Variants in GPC5 observed in about 807,000 individuals in gnomAD.
The protein encoded by GPC5 is glypican 5, also known as glypican-5.
A neutral mutation model predicts 53.9 loss-of-function variants in GPC5; 47 were observed. That is an observed-to-expected ratio of 0.87 (90% CI 0.69 to 1.11). The LOEUF is 1.11. Ranked by LOEUF, GPC5 falls within the 50% of genes most tolerant of loss-of-function variation. GPC5 has a pLI of 0.00. For missense variants in GPC5, 748 were observed against 713.1 expected (o/e 1.05, Z -0.56); for synonymous variants, 286 against 263.3 (o/e 1.09, Z -0.84).
chr13:91,586,050 A>T (rs571944901), intron 2 of GPC5, among the ~76,000 whole-genome samples: 1 of 130,694 alleles, frequency 7.7e-6, no homozygotes, highest in African/African-American at 2.8e-5. Context: ...TTATAAAAAA[A>T]TTTAAAAAAA....
chr13:91,572,914 A>G (rs1040637948), intron 2 of GPC5, among the ~76,000 whole-genome samples: 4 of 152,112 alleles, frequency 2.6e-5, no homozygotes, highest in African/African-American at 7.2e-5. Flanking sequence ...TTCACTCCCA[A>G]TTATTTGTTT....
intron 6 of GPC5, among the ~76,000 whole-genome samples, chr13:92,056,637 A>AT (rs2041076740): frequency 1.3e-5 from 2 of 152,166 alleles, no homozygotes; most frequent in African/African-American, 2.4e-5. Context: ...ACACTAACAT[A>AT]TTTTTTAAAT....
At chr13:92,628,089 C>G (rs939295703) in intron 7 of GPC5, among the ~76,000 whole-genome samples, 6 of 151,950 alleles carry the variant, frequency 3.9e-5, no homozygotes, top group Non-Finnish European at 8.8e-5. Flanking sequence ...ACACCCAACA[C>G]TAAAAGTAAG....
chr13:92,675,410 C>T (rs1376281642), intron 7 of GPC5, among the ~76,000 whole-genome samples: 2 of 152,036 alleles, frequency 1.3e-5, no homozygotes, highest in Non-Finnish European at 2.9e-5. Context: ...AATCTGTTAA[C>T]TGAAATGATT....
chr13:91,716,912 G>T (rs1200345102), intron 3 of GPC5, among the ~76,000 whole-genome samples: 1 of 152,170 alleles, frequency 6.6e-6, no homozygotes, highest in Non-Finnish European at 1.5e-5. Context: ...TGCGTAAATG[G>T]CTATTAGCTT....
Position 92,810,473 on chromosome 13 carries a change from C to T in GPC5, c.1562-55809C>T, listed in dbSNP as rs564813436. ...ATAAAATTAACCATATGTATCATTT[C>T]GAGTGTACAATTTAATGGCATTCAT... is the stretch of plus-strand genomic sequence containing the variant. On this transcript the variant is annotated intron_variant, in intron 7 of 7. Transcript: ENST00000377067. 4.6e-5 allele frequency among the ~76,000 whole-genome samples: 7 copies of T among 151,952 alleles called. 1 individual carries two copies. The highest frequency in any genetic ancestry group is 1.7e-4 in the African/African-American group (7 of 41,326).
intron 7 of GPC5, among the ~76,000 whole-genome samples, chr13:92,304,044 G>T (rs2043093498): frequency 6.6e-6 from 1 of 152,066 alleles, no homozygotes; most frequent in African/African-American, 2.4e-5. Context: ...TACTGTTGAG[G>T]TATAGTGGAT....
chr13:92,442,218 A>G (rs1441768193), intron 7 of GPC5, among the ~76,000 whole-genome samples: 2 of 152,222 alleles, frequency 1.3e-5, no homozygotes, highest in Non-Finnish European at 2.9e-5. Flanking sequence ...TGAAAAATCA[A>G]GGATGATTCT....
rs1301982389 is a variant in GPC5 at position 92,385,555 on chromosome 13, T to TGCATATATACATATAC, written c.1561+240576_1561+240591dup. ...ATACATATATGCATATATACATATA[T>TGCATATATACATATAC]GCATATATACATATACGCATATATA... On this transcript the variant is annotated intron_variant, in intron 7 of 7. Transcript: ENST00000377067. Among the ~76,000 whole-genome samples, 125 of 46,124 alleles carry TGCATATATACATATAC rather than the reference T, an allele frequency of 2.7e-3. 2 individuals are homozygous for TGCATATATACATATAC. The highest frequency in any genetic ancestry group is 0.011 in the African/African-American group (100 of 8,732). 30.3% of individuals were successfully genotyped at this position (46,124 alleles called of 152,430 possible).
intron 2 of GPC5, among the ~76,000 whole-genome samples, chr13:91,689,141 C>A (rs1297941322): frequency 7.4e-6 from 1 of 134,284 alleles, no homozygotes; most frequent in Non-Finnish European, 1.6e-5. Flanking sequence ...CACACTGCAG[C>A]CTAGGTGATG....
intron 1 of GPC5, among the ~76,000 whole-genome samples, chr13:91,445,425 T>A (rs1880724336): frequency 1.3e-5 from 2 of 152,106 alleles, no homozygotes; most frequent in African/African-American, 4.8e-5. Flanking sequence ...GGCATGAGAT[T>A]TCATTGTGCT....
At chr13:92,573,381 T>G (rs1883093541) in intron 7 of GPC5, among the ~76,000 whole-genome samples, 1 of 152,182 alleles carries the variant, frequency 6.6e-6, no homozygotes, top group African/African-American at 2.4e-5. Flanking sequence ...AGAATTAAAT[T>G]TAAAAAGTAG....
At chr13:92,434,699 A>T (rs1877231621) in intron 7 of GPC5, among the ~76,000 whole-genome samples, 2 of 152,258 alleles carry the variant, frequency 1.3e-5, no homozygotes, top group African/African-American at 4.8e-5. Flanking sequence ...AGTTAAGAGA[A>T]ATATCTGTGT....
chr13:91,878,980 T>C (rs1006458974), intron 5 of GPC5, among the ~76,000 whole-genome samples: 1 of 152,164 alleles, frequency 6.6e-6, no homozygotes, highest in African/African-American at 2.4e-5. Context: ...TATAATCATA[T>C]TGTCTCCTAC....
At chr13:91,954,896 G>A (rs1566361591) in intron 6 of GPC5, among the ~76,000 whole-genome samples, 1 of 151,990 alleles carries the variant, frequency 6.6e-6, no homozygotes, top group Non-Finnish European at 1.5e-5. Flanking sequence ...ATTTTAGCAA[G>A]ACTATTGGAT....
chr13:92,773,418 C>G (rs917085259), intron 7 of GPC5, among the ~76,000 whole-genome samples: 1 of 152,098 alleles, frequency 6.6e-6, no homozygotes, highest in Admixed American at 6.6e-5. Flanking sequence ...ATTTCCTAAA[C>G]TGGAGTTCAC....
At chr13:92,538,451 CT>C (rs1423056508) in intron 7 of GPC5, among the ~76,000 whole-genome samples, 1 of 148,250 alleles carries the variant, frequency 6.7e-6, no homozygotes, top group Non-Finnish European at 1.5e-5. Context: ...TTTTTTCTTT[CT>C]TTCTTTCTTT....
intron 7 of GPC5, among the ~76,000 whole-genome samples, chr13:92,585,545 A>G (rs185836436): frequency 8.5e-5 from 13 of 152,278 alleles, no homozygotes; most frequent in South Asian, 6.2e-4. Context: ...CTTGTCTCAG[A>G]TGAGACTTTG....
At chr13:92,592,795 G>A (rs1448064567) in intron 7 of GPC5, among the ~76,000 whole-genome samples, 3 of 151,254 alleles carry the variant, frequency 2.0e-5, no homozygotes, top group Non-Finnish European at 4.4e-5. Flanking sequence ...TGGCTCAATG[G>A]AGGGAGAGCG....
Sources: allele counts gnomAD v4.1 joint callset (sites outside exome capture counted in the v4.1 genomes callset), GRCh38; gene constraint gnomAD v4.1.1; transcripts MANE v1.5; gene names NCBI Gene and HGNC (gene_info 2026-07-23, HGNC 2026-07-21).